The following FHIT variants were observed in gnomAD, a reference collection of about 807,000 sequenced individuals.
FHIT encodes bis(5'-adenosyl)-triphosphatase.
FHIT carries 19 observed loss-of-function variants against 17.9 expected under a neutral mutation model. The ratio of observed to expected loss-of-function variants is 1.06; its 90% CI spans 0.74 to 1.56. The LOEUF (loss-of-function observed/expected upper bound fraction) is 1.56. FHIT is among the 40% of genes most tolerant of loss of function. The probability of loss-of-function intolerance (pLI) is 0.00; values close to 1 mark genes in which losing one functional copy is unlikely to be tolerated. For synonymous variants in FHIT, 81 were observed against 69.7 expected, an observed-to-expected ratio of 1.16 and a Z score of -0.81; for missense variants, 248 against 189.2, an observed-to-expected ratio of 1.31 and a Z score of -1.82.
intron 2 of FHIT, among the ~76,000 whole-genome samples, chr3:61,110,880 T>A (rs552805669): frequency 1.3e-5 from 2 of 152,186 alleles, no homozygotes; most frequent in African/African-American, 4.8e-5. Flanking sequence ...AAGTGCTGGA[T>A]TTGCTCAGTG....
At chr3:60,001,739 A>AGAGT (rs1189599180) in intron 7 of FHIT, among the ~76,000 whole-genome samples, 1 of 152,154 alleles carries the variant, frequency 6.6e-6, no homozygotes, top group African/African-American at 2.4e-5. Flanking sequence ...TCTTCCTTAA[A>AGAGT]GAGTGAGATT....
chr3:59,935,281 G>C (rs113561178), intron 7 of FHIT, among the ~76,000 whole-genome samples: 1,623 of 152,252 alleles, frequency 0.011, 32 homozygotes, highest in African/African-American at 0.037. Flanking sequence ...CTTCTCAGCT[G>C]TTGTTGTAGT....
At chr3:61,163,055 C>T (rs973109104) in intron 2 of FHIT, among the ~76,000 whole-genome samples, 3 of 152,090 alleles carry the variant, frequency 2.0e-5, no homozygotes, top group African/African-American at 4.8e-5. Context: ...CTATCAATTT[C>T]GAGACTTCAC....
chr3:60,812,138 A>G (rs1701588511), intron 4 of FHIT, among the ~76,000 whole-genome samples: 1 of 151,050 alleles, frequency 6.6e-6, no homozygotes, highest in Non-Finnish European at 1.5e-5. Flanking sequence ...TAAATTCCAA[A>G]TTCTTAATAT....
Position 60,728,721 on chromosome 3 carries a change from AC to A in FHIT, c.-18+93197del, listed in dbSNP as rs563519245. 1.2e-3 allele frequency among the ~76,000 whole-genome samples: 181 copies of A among 151,760 alleles called. 2 individuals are homozygous for A. The highest frequency in any genetic ancestry group is 6.8e-3 in the Middle Eastern group (2 of 294). ...CACACACATACACACACACACACAC[AC>A]ACACACACAATTGGCATGCAACAGT... On this transcript the variant is annotated intron_variant, in intron 4 of 9. Coordinates refer to ENST00000492590, the MANE Select transcript of FHIT (RefSeq NM_002012.4).
intron 7 of FHIT, among the ~76,000 whole-genome samples, chr3:59,987,942 G>T (rs1575827462): frequency 6.6e-6 from 1 of 152,040 alleles, no homozygotes; most frequent in South Asian, 2.1e-4. Context: ...TTTGAAAAGG[G>T]GAACAAGACG....
chr3:60,544,011 G>C (rs1381766910), intron 4 of FHIT, among the ~76,000 whole-genome samples: 2 of 145,598 alleles, frequency 1.4e-5, no homozygotes, highest in African/African-American at 2.6e-5. Flanking sequence ...ACCCATCTTG[G>C]CTTCTCAAAG....
chr3:60,054,364 T>C (rs923737803), intron 5 of FHIT, among the ~76,000 whole-genome samples: 4 of 152,178 alleles, frequency 2.6e-5, no homozygotes, highest in African/African-American at 9.7e-5. Context: ...AATGAAAGCG[T>C]TGAGGTCAGA....
At chr3:59,814,723 G>A (rs1700533674) in intron 8 of FHIT, among the ~76,000 whole-genome samples, 1 of 152,160 alleles carries the variant, frequency 6.6e-6, no homozygotes, top group Non-Finnish European at 1.5e-5. Flanking sequence ...TGTGCTAGGA[G>A]CTTGAAAAGA....
chr3:60,051,153 A>T (rs148655985), intron 5 of FHIT, among the ~76,000 whole-genome samples: 1 of 152,124 alleles, frequency 6.6e-6, no homozygotes, highest in East Asian at 1.9e-4. Context: ...GAGGTAGGGG[A>T]AGGTTGGGCC....
chr3:60,267,366 T>C (rs1359646611), intron 5 of FHIT, among the ~76,000 whole-genome samples: 1 of 152,026 alleles, frequency 6.6e-6, no homozygotes, highest in East Asian at 1.9e-4. Context: ...CATAATGTAA[T>C]GAAAATTTTC....
At chr3:60,965,655 A>G (rs1189350177) in intron 3 of FHIT, among the ~76,000 whole-genome samples, 3 of 152,100 alleles carry the variant, frequency 2.0e-5, no homozygotes, top group South Asian at 2.1e-4. Context: ...TTTCCTTCTA[A>G]CAGTCAGGAC....
At chr3:59,969,862 A>C (rs1203012449) in intron 7 of FHIT, among the ~76,000 whole-genome samples, 1 of 152,126 alleles carries the variant, frequency 6.6e-6, no homozygotes, top group African/African-American at 2.4e-5. Flanking sequence ...AATTGTCTAT[A>C]ATAAGTCCAA....
At chr3:60,192,048 C>G (rs558242308) in intron 5 of FHIT, among the ~76,000 whole-genome samples, 2 of 151,746 alleles carry the variant, frequency 1.3e-5, no homozygotes, top group African/African-American at 2.4e-5. Context: ...ACCAGGAGTT[C>G]GAGACCAGCC....
intron 5 of FHIT, among the ~76,000 whole-genome samples, chr3:60,284,888 C>T (rs1200838280): frequency 1.3e-5 from 2 of 152,112 alleles, no homozygotes; most frequent in Admixed American, 6.5e-5. Context: ...ATTTAATTCT[C>T]TAAAAGAACA....
At chr3:59,995,231 T>C (rs1699457895) in intron 7 of FHIT, among the ~76,000 whole-genome samples, 1 of 152,030 alleles carries the variant, frequency 6.6e-6, no homozygotes, top group East Asian at 1.9e-4. Context: ...CAAAACCTTA[T>C]CAAATTTAAA....
intron 4 of FHIT, among the ~76,000 whole-genome samples, chr3:60,648,585 AG>A (rs1209731268): frequency 6.6e-6 from 1 of 152,186 alleles, no homozygotes; most frequent in African/African-American, 2.4e-5. Flanking sequence ...GTAAACAGGA[AG>A]GGGGGCACTT....
At chr3:60,079,680 G>C (rs1469154239) in intron 5 of FHIT, among the ~76,000 whole-genome samples, 1 of 151,928 alleles carries the variant, frequency 6.6e-6, no homozygotes, top group Non-Finnish European at 1.5e-5. Flanking sequence ...AAGATACGTG[G>C]GAAGGAAATA....
intron 3 of FHIT, among the ~76,000 whole-genome samples, chr3:60,900,487 C>A (rs940891410): frequency 6.6e-5 from 10 of 151,744 alleles, no homozygotes; most frequent in Admixed American, 6.6e-4. Context: ...GATAATAATA[C>A]TTCAGTGCAA....
Sources: gnomAD v4.1 joint callset for allele counts (sites outside exome capture counted in the v4.1 genomes callset) on GRCh38, gnomAD v4.1.1 for gene constraint, MANE v1.5 for transcripts, NCBI Gene and HGNC (gene_info 2026-07-23, HGNC 2026-07-21) for gene names.